Variants in SUPV3L1 observed in about 807,000 individuals in gnomAD.
SUPV3L1 encodes the protein ATP-dependent RNA helicase SUPV3L1, mitochondrial.
In SUPV3L1, 35 loss-of-function variants were observed where a neutral mutation model predicts 70.0. That is an observed-to-expected ratio of 0.50 (90% confidence interval 0.38 to 0.66). SUPV3L1 has a LOEUF of 0.66. SUPV3L1 is among the 30% of genes least tolerant of loss of function. The pLI is 0.00. For synonymous variants in SUPV3L1, 364 were observed against 341.9 expected (o/e 1.06, Z -0.71); for missense variants, 777 against 961.5 (o/e 0.81, Z 2.54).
At position 69,188,957 on chromosome 10, in the gene SUPV3L1, C is replaced by G. The variant is rs1842311170; in HGVS notation, c.573-310C>G. Reference sequence around the variant, plus strand: ...TTTAGAGCTGTGGGAATGATGTGAACATAGTATGGAACTGATAGCAGCTTA... The same window carrying G: ...TTTAGAGCTGTGGGAATGATGTGAAGATAGTATGGAACTGATAGCAGCTTA... On this transcript the variant is annotated intron_variant, in intron 4 of 14. Transcript: ENST00000359655. Among the ~76,000 whole-genome samples the G allele has an allele frequency of 2.0e-5, 3 of 152,294 alleles. No homozygotes were observed. The South Asian group carries it at 6.2e-4, about 32-fold the overall frequency.
In SUPV3L1 at chr10:69,191,792, ATGGTT is replaced by A. The variant is rs780976144; in HGVS notation, c.853+31_853+35del. The A allele has an allele frequency of 2.0e-6, 3 of 1,482,416 alleles. No homozygotes were observed. In the African/African-American group the frequency reaches 4.3e-5, roughly 21 times the overall value. The allele number at this position is 1,482,416 out of a possible 1,614,324, so 91.8% of individuals were successfully genotyped here. A position where few individuals can be genotyped will look rare whatever the true frequency, so the allele number is the denominator to read the frequency against. Reference sequence around the variant, plus strand: ...GTATGTATATGCTGTTTAAGAAACTATGGTTTGGTATTTTTAATTTTTTTTTTTTT... The same window carrying A: ...GTATGTATATGCTGTTTAAGAAACTATGGTATTTTTAATTTTTTTTTTTTT... On this transcript the variant is annotated intron_variant, in intron 6 of 14. Coordinates refer to ENST00000359655, the MANE Select transcript of SUPV3L1 (RefSeq NM_003171.5).
chr10:69,196,268 G>C (rs1842539518), intron 7 of SUPV3L1, among the ~76,000 whole-genome samples: 1 of 152,098 alleles, frequency 6.6e-6, no homozygotes, highest in Non-Finnish European at 1.5e-5. Context: ...GAGGCTGGCC[G>C]ATTGCTTGAG....
At chr10:69,195,305 A>G (rs774602712) in intron 7 of SUPV3L1, 40 bp downstream of exon 7, 1 of 1,495,750 alleles carries the variant, frequency 6.7e-7, no homozygotes, top group South Asian at 1.3e-5. Flanking sequence ...GCTTTATGAC[A>G]TCTGCGCTGA....
chr10:69,205,664 G>A (rs1842808059), intron 13 of SUPV3L1, among the ~76,000 whole-genome samples: 1 of 152,210 alleles, frequency 6.6e-6, no homozygotes, highest in Non-Finnish European at 1.5e-5. Context: ...CTCCCGAGTA[G>A]CTGGGATTAC....
At chr10:69,185,869 A>G (rs1022360768) in intron 1 of SUPV3L1, 118 bp from the exon 2 acceptor site, 1 of 770,766 alleles carries the variant, frequency 1.3e-6, no homozygotes, top group African/African-American at 1.8e-5. Context: ...AAAACCTTCT[A>G]GTTCTTGCAA....
rs200501841 is a variant in SUPV3L1 at position 69,186,519 on chromosome 10, C to T, written c.426C>T (p.His142=). The change falls in exon 3 of 15, where the codon CAC becomes CAT. Residue 142 remains histidine, a synonymous_variant. Transcript: ENST00000359655. ...CTCATTCCCTGGATGTGGACATTCA[C>T]ATTGTTTTGAATGATATTTGCTTCG... is the stretch of plus-strand genomic sequence containing the variant. The part of the protein sequence containing the change: ...MQSHSLDVDI[H]IVLNDICFGA... The T allele has an allele frequency of 6.8e-5, 110 of 1,613,906 alleles. No individual in the cohort carries two copies. In the Admixed American group the frequency reaches 1.8e-3, roughly 27 times the overall value.
At chr10:69,198,253 A>C (rs1289062338) in intron 8 of SUPV3L1, 119 bp from the exon 9 acceptor site, 4 of 787,206 alleles carry the variant, frequency 5.1e-6, no homozygotes, top group African/African-American at 1.8e-5. Context: ...CTTTTGAAAA[A>C]CATTGGTACT....
At chr10:69,198,243 C>A in intron 8 of SUPV3L1, 129 bp from the exon 9 acceptor site, 1 of 705,188 alleles carries the variant, frequency 1.4e-6, no homozygotes, top group Non-Finnish European at 2.2e-6. Context: ...TCTGTGTTTT[C>A]TTTTGAAAAA....
At chr10:69,200,729 T>G (rs1334007934) in intron 11 of SUPV3L1, among the ~76,000 whole-genome samples, 1 of 152,192 alleles carries the variant, frequency 6.6e-6, no homozygotes, top group Non-Finnish European at 1.5e-5. Flanking sequence ...TTGACAAAGT[T>G]TAGTGAGCCT....
At chr10:69,198,864 G>A (rs2132294586) in intron 9 of SUPV3L1, among the ~76,000 whole-genome samples, 1 of 152,274 alleles carries the variant, frequency 6.6e-6, no homozygotes, top group Non-Finnish European at 1.5e-5. Context: ...CCTGAAATCT[G>A]TGTCCTCAGG....
chr10:69,195,503 A>T (rs1168521108), intron 7 of SUPV3L1: 1 of 371,060 alleles, frequency 2.7e-6, no homozygotes, highest in South Asian at 1.2e-4. Flanking sequence ...TTCAAATCTC[A>T]TATTTACACA....
chr10:69,181,986 T>A (rs1842077603), intron 1 of SUPV3L1, among the ~76,000 whole-genome samples: 1 of 151,244 alleles, frequency 6.6e-6, no homozygotes, highest in Admixed American at 6.6e-5. Context: ...TTTTTTTAGT[T>A]TTTTTTTCTT....
intron 1 of SUPV3L1, among the ~76,000 whole-genome samples, chr10:69,181,355 G>C (rs938445633): frequency 2.6e-5 from 4 of 152,278 alleles, no homozygotes; most frequent in African/African-American, 7.2e-5. Flanking sequence ...GGAATAGGAG[G>C]AGAAATGTCT....
chr10:69,180,559 A>G lies in SUPV3L1; in HGVS notation c.268A>G (p.Lys90Glu), dbSNP rs760786307. The G allele has an allele frequency of 1.5e-5, 24 of 1,613,694 alleles. No individual in the cohort carries two copies. The East Asian group carries it at 5.1e-4, about 34-fold the overall frequency. The change falls in exon 1 of 15, where the codon AAG becomes GAG. Residue 90 changes from lysine (K) to glutamate (E), a missense_variant. By Grantham distance (56) the Lys-to-Glu change is moderately conservative. This residue lies in a region of SUPV3L1 where 158 missense variants were observed against 138.3 expected (regional missense o/e 1.14). Coordinates refer to ENST00000359655, the MANE Select transcript of SUPV3L1 (RefSeq NM_003171.5). ...VGAELTRPLD[K>E]NEVKKVLDKF... Reference sequence around the variant, plus strand: ...GGCCGAGCTAACCCGGCCTCTGGACAAGAGTGAGTGCGGGAACTACTGAGG... The same window carrying G: ...GGCCGAGCTAACCCGGCCTCTGGACGAGAGTGAGTGCGGGAACTACTGAGG...
At chr10:69,193,616 C>T (rs1270587282) in intron 6 of SUPV3L1, among the ~76,000 whole-genome samples, 2 of 152,074 alleles carry the variant, frequency 1.3e-5, no homozygotes, top group Non-Finnish European at 2.9e-5. Context: ...CACTTTGTTG[C>T]CCAGGCTGGC....
intron 5 of SUPV3L1, among the ~76,000 whole-genome samples, chr10:69,190,629 C>T (rs1842366965): frequency 6.6e-6 from 1 of 152,186 alleles, no homozygotes; most frequent in Non-Finnish European, 1.5e-5. Context: ...CAATTACACC[C>T]CATCCTCCAC....
rs1842029312 is a variant in SUPV3L1 at position 69,180,679 on chromosome 10, C to T, written c.271+117C>T. Reference sequence around the variant, plus strand: ...CCGAGGTCCCATCGAGTGTTGTCATCGTGCCTCTCAGTGTCTGCCTCCTTC... The same window carrying T: ...CCGAGGTCCCATCGAGTGTTGTCATTGTGCCTCTCAGTGTCTGCCTCCTTC... On this transcript the variant is annotated intron_variant, in intron 1 of 14. Transcript: ENST00000359655. 7.2e-6 allele frequency: 10 copies of T among 1,398,520 alleles called. No individual in the cohort carries two copies. The Middle Eastern group carries it at 6.3e-4, about 88-fold the overall frequency. 86.6% of individuals were successfully genotyped at this position (1,398,520 alleles called of 1,614,324 possible).
chr10:69,193,336 AAATC>A (rs1161266817), intron 6 of SUPV3L1: 1 of 152,220 alleles, frequency 6.6e-6, no homozygotes, highest in Non-Finnish European at 1.5e-5. Flanking sequence ...AGTTTTTAAA[AAATC>A]AATACATTAT....
chr10:69,180,453 T>G lies in SUPV3L1; in HGVS notation c.162T>G (p.Gly54=). The part of the protein sequence containing the change: ...VLATASSSAS[G]GSKIPNTSLF... ...CCACCGCCTCCTCCTCTGCCTCCGG[T>G]GGCTCCAAAATACCAAACACGTCCT... The change falls in exon 1 of 15, where the codon GGT becomes GGG. Residue 54 remains glycine, a synonymous_variant. Transcript: ENST00000359655. 1.9e-6 allele frequency: 3 copies of G among 1,614,214 alleles called. No individual in the cohort carries two copies. The highest frequency in any genetic ancestry group is 2.5e-6 in the Non-Finnish European group (3 of 1,180,034).
Sources: allele counts gnomAD v4.1 joint callset (sites outside exome capture counted in the v4.1 genomes callset), GRCh38; gene constraint gnomAD v4.1.1; regional missense constraint gnomAD v4.1.1; transcripts MANE v1.5; gene names NCBI Gene and HGNC (gene_info 2026-07-23, HGNC 2026-07-21).